Variants in CCDC60 observed in about 807,000 individuals in gnomAD.
CCDC60 encodes coiled-coil domain-containing protein 60.
CCDC60 carries 54 observed loss-of-function variants against 63.5 expected under a neutral mutation model. That is an observed-to-expected ratio of 0.85 (90% confidence interval 0.68 to 1.07). The LOEUF is 1.07. Ranked by LOEUF, CCDC60 falls within the 50% of genes least tolerant of loss-of-function variation. The pLI, the probability that CCDC60 is intolerant of heterozygous loss-of-function variation, is 0.00. For synonymous variants in CCDC60, 206 were observed against 238.8 expected (o/e 0.86, Z 1.27); for missense variants, 651 against 684.3 (o/e 0.95, Z 0.54).
chr12:119,506,356 A>G (rs901624947), intron 7 of CCDC60, among the ~76,000 whole-genome samples: 13 of 151,378 alleles, frequency 8.6e-5, no homozygotes, highest in South Asian at 2.1e-4. Context: ...TAATCCCAGA[A>G]CTTAGGGAGA....
Position 119,505,155 on chromosome 12 carries a change from T to G in CCDC60, c.735T>G (p.Ser245Arg). ...CCACACTCAGTCTGAGTCGGGCCAG[T>G]GGGGGGTCCTCTCCCCAGAGCAGCA... ...RGSTLSLSRA[S>R]GGSSPQSSMI... The change falls in exon 7 of 14, where the codon AGT (serine) becomes AGG (arginine). Residue 245 changes from serine to arginine, a missense_variant. By Grantham distance (110) the Ser-to-Arg change is moderately radical (BLOSUM62 -1). Transcript: ENST00000327554. 1.2e-6 allele frequency: 2 copies of G among 1,614,060 alleles called. No individual in the cohort carries two copies. The highest frequency in any genetic ancestry group is 1.7e-6 in the Non-Finnish European group (2 of 1,180,018).
chr12:119,383,602 C>T (rs901379424), intron 1 of CCDC60, among the ~76,000 whole-genome samples: 2 of 152,208 alleles, frequency 1.3e-5, no homozygotes, highest in African/African-American at 4.8e-5. Context: ...AATAAAGAAA[C>T]GAGTGTGCAG....
At position 119,488,828 on chromosome 12, in the gene CCDC60, C is replaced by G. The variant is rs1232548802; in HGVS notation, c.519C>G (p.His173Gln). The change falls in exon 5 of 14, where the codon CAC (histidine) becomes CAG (glutamine). Residue 173 changes from histidine to glutamine, a missense_variant. Transcript: ENST00000327554. ...AGGCCCTGACTATTGACCACACCCA[C>G]CACACCATGAAGCCTGTGATCACCT... ...LLEALTIDHT[H>Q]HTMKPVITCW... The G allele has an allele frequency of 6.2e-7, 1 of 1,614,204 alleles. No individual in the cohort carries two copies. The highest frequency in any genetic ancestry group is 1.7e-5 in the Admixed American group (1 of 60,028).
chr12:119,423,910 TG>T (rs1184681920), intron 1 of CCDC60, among the ~76,000 whole-genome samples: 1 of 152,212 alleles, frequency 6.6e-6, no homozygotes, highest in African/African-American at 2.4e-5. Context: ...CAATTTAAAT[TG>T]GCATTAAACA....
At chr12:119,504,968 G>C (rs1371964585) in intron 6 of CCDC60, 101 bp from the exon 7 acceptor site, 5 of 818,428 alleles carry the variant, frequency 6.1e-6, no homozygotes, top group Non-Finnish European at 9.6e-6. Context: ...CTTTGCTTTT[G>C]TCTGCTGTCC....
intron 2 of CCDC60, among the ~76,000 whole-genome samples, chr12:119,432,909 C>T (rs1458744828): frequency 3.3e-5 from 5 of 152,152 alleles, no homozygotes; most frequent in Non-Finnish European, 5.9e-5. Flanking sequence ...ACTTAGAACT[C>T]ATACCTTCCT....
intron 2 of CCDC60, among the ~76,000 whole-genome samples, chr12:119,449,602 AC>A (rs1950596217): frequency 1.3e-5 from 2 of 152,172 alleles, no homozygotes; most frequent in Non-Finnish European, 2.9e-5. Flanking sequence ...TGGTTTAGTT[AC>A]TCGTGCAATA....
intron 1 of CCDC60, among the ~76,000 whole-genome samples, chr12:119,416,570 C>A (rs1281511760): frequency 6.6e-6 from 1 of 152,074 alleles, no homozygotes; most frequent in Non-Finnish European, 1.5e-5. Context: ...AAATTGGAAT[C>A]TTTAGGAAGG....
At chr12:119,438,491 C>T (rs74446684) in intron 2 of CCDC60, among the ~76,000 whole-genome samples, 2 of 152,170 alleles carry the variant, frequency 1.3e-5, no homozygotes, top group Non-Finnish European at 2.9e-5. Context: ...GCTGTGGGTT[C>T]AAATCCTAAC....
intron 8 of CCDC60, among the ~76,000 whole-genome samples, chr12:119,517,587 T>A (rs1352665360): frequency 6.6e-6 from 1 of 152,156 alleles, no homozygotes; most frequent in East Asian, 1.9e-4. Flanking sequence ...GCCAGCCTGA[T>A]GAGGCTGGCA....
intron 2 of CCDC60, among the ~76,000 whole-genome samples, chr12:119,457,723 G>A (rs1206917369): frequency 1.3e-5 from 2 of 151,944 alleles, no homozygotes; most frequent in African/African-American, 2.4e-5. Flanking sequence ...TGGCGGGGGG[G>A]AGAATAATAC....
chr12:119,367,549 C>T (rs909352324), intron 1 of CCDC60, among the ~76,000 whole-genome samples: 4 of 152,132 alleles, frequency 2.6e-5, no homozygotes, highest in Non-Finnish European at 5.9e-5. Context: ...AGGTCTGAGT[C>T]CCAGGTTTGC....
At position 119,476,594 on chromosome 12, in the gene CCDC60, C is replaced by T. The variant is rs115698154; in HGVS notation, c.342-2500C>T. On this transcript the variant is annotated intron_variant, in intron 3 of 13. Coordinates refer to ENST00000327554, the MANE Select transcript of CCDC60 (RefSeq NM_178499.5). ...CCACTGGCCCCCTCCATCCCATTCC[C>T]CACACTAAGCCCCAAGCTAAGTGAT... Among the ~76,000 whole-genome samples, 952 of 152,274 alleles carry T rather than the reference C, an allele frequency of 6.3e-3. 10 individuals carry two copies. The highest frequency in any genetic ancestry group is 0.021 in the African/African-American group (868 of 41,534).
intron 2 of CCDC60, among the ~76,000 whole-genome samples, chr12:119,455,360 C>T (rs544496397): frequency 5.3e-5 from 8 of 152,306 alleles, no homozygotes; most frequent in Non-Finnish European, 7.3e-5. Flanking sequence ...ACAAGTCAAT[C>T]AGCAATCACC....
At chr12:119,432,166 TGAGGCTGATGCCTTGG>T (rs909344977) in intron 2 of CCDC60, among the ~76,000 whole-genome samples, 15 of 152,330 alleles carry the variant, frequency 9.8e-5, no homozygotes, top group African/African-American at 3.4e-4. Flanking sequence ...AGAGGGCTTT[TGAGGCTGATGCCTTGG>T]GAACCTTGGA....
intron 1 of CCDC60, among the ~76,000 whole-genome samples, chr12:119,400,619 T>G (rs1956374887): frequency 6.6e-6 from 1 of 152,242 alleles, no homozygotes; most frequent in African/African-American, 2.4e-5. Flanking sequence ...TCTCAGACTT[T>G]AACAGCCATA....
At chr12:119,515,149 A>C (rs1246480535) in intron 7 of CCDC60, among the ~76,000 whole-genome samples, 1 of 152,166 alleles carries the variant, frequency 6.6e-6, no homozygotes, top group Non-Finnish European at 1.5e-5. Flanking sequence ...ATGGGTCCCC[A>C]TTGTTAAATG....
chr12:119,431,249 C>A (rs1230806675), intron 2 of CCDC60, among the ~76,000 whole-genome samples: 1 of 152,134 alleles, frequency 6.6e-6, no homozygotes, highest in Non-Finnish European at 1.5e-5. Context: ...ATCAGTATCC[C>A]CGAGCATAAG....
intron 7 of CCDC60, among the ~76,000 whole-genome samples, chr12:119,509,211 T>C (rs973178293): frequency 2.0e-5 from 3 of 152,246 alleles, no homozygotes; most frequent in African/African-American, 7.2e-5. Context: ...CTCACACTTA[T>C]GTTTTGTTTA....
Sources: gnomAD v4.1 joint callset for allele counts (sites outside exome capture counted in the v4.1 genomes callset) on GRCh38, gnomAD v4.1.1 for gene constraint, MANE v1.5 for transcripts, NCBI Gene and HGNC (gene_info 2026-07-23, HGNC 2026-07-21) for gene names.